GMDS: variants seen among roughly 807,000 people sequenced by gnomAD.
GMDS encodes GDP-mannose 4,6-dehydratase, also known as GDP-mannose 4,6 dehydratase.
A neutral mutation model predicts 49.9 loss-of-function variants in GMDS; 20 were observed. The observed-to-expected ratio is 0.40, with a 90% CI of 0.28 to 0.58. The LOEUF is 0.58. Among genes scored for constraint, GMDS ranks in the 20% least tolerant of loss-of-function variants. The probability of loss-of-function intolerance (pLI) is 0.42; values close to 1 mark genes in which losing one functional copy is unlikely to be tolerated. For synonymous variants in GMDS, 177 were observed against 178.6 expected (o/e 0.99, Z 0.07); for missense variants, 362 against 481.4 (o/e 0.75, Z 2.32).
intron 6 of GMDS, among the ~76,000 whole-genome samples, chr6:1,941,360 G>A (rs1212654157): frequency 6.6e-6 from 1 of 151,348 alleles, no homozygotes; most frequent in Non-Finnish European, 1.5e-5. Context: ...CAAATACACT[G>A]ATGCTATAAT....
At chr6:1,901,447 T>C (rs1171001012) in intron 7 of GMDS, among the ~76,000 whole-genome samples, 1 of 152,066 alleles carries the variant, frequency 6.6e-6, no homozygotes, top group African/African-American at 2.4e-5. Flanking sequence ...AAAGAAAAAA[T>C]ATATAATGAA....
In GMDS at chr6:2,133,180, T is replaced by C. The variant is rs73716955; in HGVS notation, c.103-8449A>G. 9.9e-3 allele frequency among the ~76,000 whole-genome samples: 1,501 copies of C among 152,234 alleles called. 34 individuals carry two copies. Among genetic ancestry groups the C allele is most frequent in the African/African-American group, 0.035 (1,452 of 41,526 alleles). ...GCACTTTGTCCAGTGTGCAAGGCCA[T>C]GCTTAATGAAAAACTTTAAATTTGG... On this transcript the variant is annotated intron_variant, in intron 1 of 10. Transcript: ENST00000380815.
intron 7 of GMDS, among the ~76,000 whole-genome samples, chr6:1,871,892 T>C (rs1054635994): frequency 7.9e-5 from 12 of 152,258 alleles, no homozygotes; most frequent in Admixed American, 6.5e-4. Context: ...ACGAAGATAC[T>C]GCTATCAAAG....
chr6:1,664,588 C>A (rs958209512), intron 9 of GMDS, among the ~76,000 whole-genome samples: 2 of 152,186 alleles, frequency 1.3e-5, no homozygotes, highest in African/African-American at 4.8e-5. Flanking sequence ...AAGCTGAAAG[C>A]AATGTGCTTT....
chr6:1,795,561 G>A (rs969533297), intron 7 of GMDS, among the ~76,000 whole-genome samples: 8 of 152,242 alleles, frequency 5.3e-5, no homozygotes, highest in African/African-American at 1.7e-4. Flanking sequence ...AAATTAAAAG[G>A]TGAATGAAAC....
At chr6:2,228,816 C>A (rs145484975) in intron 1 of GMDS, among the ~76,000 whole-genome samples, 3 of 152,292 alleles carry the variant, frequency 2.0e-5, no homozygotes, top group Admixed American at 2.0e-4. Flanking sequence ...CCCAATACCC[C>A]CCGTTGACAG....
At chr6:2,084,124 G>A (rs1386881838) in intron 4 of GMDS, among the ~76,000 whole-genome samples, 1 of 151,986 alleles carries the variant, frequency 6.6e-6, no homozygotes, top group African/African-American at 2.4e-5. Flanking sequence ...CTAAAGTCTT[G>A]GGTCAGATTA....
intron 4 of GMDS, among the ~76,000 whole-genome samples, chr6:2,084,187 A>G (rs917805762): frequency 4.6e-5 from 7 of 152,230 alleles, no homozygotes; most frequent in Non-Finnish European, 8.8e-5. Context: ...CTTCCTCCTC[A>G]TAGATACTCT....
intron 1 of GMDS, among the ~76,000 whole-genome samples, chr6:2,218,072 TAA>T (rs1442803578): frequency 6.6e-6 from 1 of 152,198 alleles, no homozygotes; most frequent in East Asian, 1.9e-4. Flanking sequence ...GGGGTACCCC[TAA>T]GCCCCAAAAC....
intron 1 of GMDS, among the ~76,000 whole-genome samples, chr6:2,151,747 CTT>C (rs933983181): frequency 5.3e-5 from 8 of 152,072 alleles, no homozygotes; most frequent in Non-Finnish European, 7.4e-5. Context: ...TTCTCATACT[CTT>C]TAAGAATTTA....
At chr6:1,648,394 T>C (rs1318388692) in intron 9 of GMDS, among the ~76,000 whole-genome samples, 3 of 152,232 alleles carry the variant, frequency 2.0e-5, no homozygotes, top group Non-Finnish European at 4.4e-5. Flanking sequence ...GCCCACTTAT[T>C]TGAAGCTGCC....
At chr6:2,134,193 G>A (rs1024483730) in intron 1 of GMDS, among the ~76,000 whole-genome samples, 3 of 152,286 alleles carry the variant, frequency 2.0e-5, no homozygotes, top group Non-Finnish European at 4.4e-5. Flanking sequence ...AAATAAAGGG[G>A]ATAAAATGAA....
chr6:1,684,329 G>A (rs1764897599), intron 9 of GMDS, among the ~76,000 whole-genome samples: 1 of 152,170 alleles, frequency 6.6e-6, no homozygotes, highest in South Asian at 2.1e-4. Context: ...CTTCCCAGAT[G>A]AACCGTGGGC....
chr6:1,623,817 A>T lies in GMDS; in HGVS notation c.*352T>A, dbSNP rs770000974. 10 of 287,162 alleles carry T rather than the reference A, an allele frequency of 3.5e-5. No homozygotes were observed. The highest frequency in any genetic ancestry group is 5.9e-5 in the Non-Finnish European group (9 of 153,382). The allele number at this position is 287,162 out of a possible 1,614,324, so 17.8% of individuals were successfully genotyped here. ...ACTGACCCTGTGAATGCTAGTTCAC[A>T]GAAAGACCATTTTTAATATGAAAAG... On this transcript the variant is annotated 3_prime_UTR_variant, in exon 11 of 11. Transcript: ENST00000380815.
At chr6:2,069,296 T>C (rs1429444569) in intron 4 of GMDS, among the ~76,000 whole-genome samples, 1 of 152,100 alleles carries the variant, frequency 6.6e-6, no homozygotes, top group African/African-American at 2.4e-5. Flanking sequence ...AAACGTTAGA[T>C]CTAAAACGAT....
At chr6:2,189,365 T>C (rs1185008973) in intron 1 of GMDS, among the ~76,000 whole-genome samples, 8 of 152,022 alleles carry the variant, frequency 5.3e-5, no homozygotes. Context: ...TAGGGAGAGA[T>C]TTAGAGATAT....
chr6:2,066,731 G>A (rs1005635886), intron 4 of GMDS, among the ~76,000 whole-genome samples: 18 of 152,148 alleles, frequency 1.2e-4, no homozygotes, highest in African/African-American at 4.1e-4. Context: ...AAATATATAT[G>A]CGCCCAATAC....
At chr6:1,802,530 A>G (rs1439829994) in intron 7 of GMDS, among the ~76,000 whole-genome samples, 1 of 152,238 alleles carries the variant, frequency 6.6e-6, no homozygotes, top group African/African-American at 2.4e-5. Flanking sequence ...TAATTTATGG[A>G]AATAGAATAC....
At chr6:2,245,227 T>G in intron 1 of GMDS, 94 bp downstream of exon 1, 3 of 880,900 alleles carry the variant, frequency 3.4e-6, no homozygotes, top group Non-Finnish European at 5.4e-6. Flanking sequence ...AGAGGGCTGT[T>G]CCTGGAGAGA....
Sources: gnomAD v4.1 joint callset for allele counts (sites outside exome capture counted in the v4.1 genomes callset) on GRCh38, gnomAD v4.1.1 for gene constraint, MANE v1.5 for transcripts, NCBI Gene and HGNC (gene_info 2026-07-23, HGNC 2026-07-21) for gene names.